DNAJC14: variants seen among roughly 807,000 people sequenced by gnomAD.
DNAJC14 encodes the protein DnaJ heat shock protein family (Hsp40) member C14, also known as dnaJ homolog subfamily C member 14.
In DNAJC14, 12 loss-of-function variants were observed where a neutral mutation model predicts 68.8. That is an observed-to-expected ratio of 0.17 (90% CI 0.11 to 0.28). The LOEUF (loss-of-function observed/expected upper bound fraction) is 0.28. DNAJC14 is among the 10% of genes least tolerant of loss of function. The pLI, the probability that DNAJC14 is intolerant of heterozygous loss-of-function variation, is 1.00. For missense variants in DNAJC14, 764 were observed against 875.6 expected, an observed-to-expected ratio of 0.87 and a Z score of 1.61; for synonymous variants, 350 against 321.5, an observed-to-expected ratio of 1.09 and a Z score of -0.95.
intron 2 of DNAJC14, among the ~76,000 whole-genome samples, chr12:55,824,473 T>G (rs763377792): frequency 6.6e-6 from 1 of 152,174 alleles, no homozygotes; most frequent in Non-Finnish European, 1.5e-5. Context: ...AATGCAGAGA[T>G]AAAGCTAGTC....
intron 2 of DNAJC14, among the ~76,000 whole-genome samples, chr12:55,826,062 TA>T (rs941027169): frequency 7.4e-5 from 11 of 147,980 alleles, no homozygotes; most frequent in East Asian, 2.0e-4. Context: ...ACCCCATGTT[TA>T]AAAAAAAAAG....
In DNAJC14 at chr12:55,828,897, C is replaced by G. The variant is rs372907917; in HGVS notation, c.-56-183G>C. On this transcript the variant is annotated intron_variant, in intron 1 of 6. Transcript: ENST00000678005. ...ACCACAACCCTGCTTGCTCCCTCCC[C>G]TCTCCTCCAAATCACTTAAGTTTTT... Among the ~76,000 whole-genome samples, 35 of 152,348 alleles carry G rather than the reference C, an allele frequency of 2.3e-4. 1 individual carries two copies. The East Asian group carries it at 4.6e-3, about 20-fold the overall frequency.
At chr12:55,827,164 C>T in intron 2 of DNAJC14, 88 bp downstream of exon 2, 1 of 1,313,748 alleles carries the variant, frequency 7.6e-7, no homozygotes, top group Non-Finnish European at 9.8e-7. Context: ...GCACTCCAGC[C>T]TGGGTGACAG....
chr12:55,828,692 G>A lies in DNAJC14; in HGVS notation c.-34C>T. 1 of 1,590,156 alleles carries A rather than the reference G, an allele frequency of 6.3e-7. No individual in the cohort carries two copies. Among genetic ancestry groups the A allele is most frequent in the Non-Finnish European group, 8.6e-7 (1 of 1,167,200 alleles). ...GGCTTCCTGAGGGTCTTAGGTCACA[G>A]CCATCATGGTGTGTTCTGATGCCTG... On this transcript the variant is annotated 5_prime_UTR_variant, in exon 2 of 7. Coordinates refer to ENST00000678005, the MANE Select transcript of DNAJC14 (RefSeq NM_032364.6).
At chr12:55,824,415 T>C (rs925645125) in intron 2 of DNAJC14, among the ~76,000 whole-genome samples, 1 of 152,130 alleles carries the variant, frequency 6.6e-6, no homozygotes, top group Non-Finnish European at 1.5e-5. Flanking sequence ...ACAAGTAATA[T>C]CCTCTCTTCC....
chr12:55,821,895 G>T lies in DNAJC14; in HGVS notation c.*82C>A. On this transcript the variant is annotated 3_prime_UTR_variant, in exon 7 of 7. Transcript: ENST00000678005. ...AAAAGATTCAGTTCCTAGGTGTTGG[G>T]GGAGGAGGGATAAATCAAACTCCAT... 7.2e-7 allele frequency: 1 copy of T among 1,379,558 alleles called. No individual in the cohort carries two copies. The highest frequency in any genetic ancestry group is 9.9e-7 in the Non-Finnish European group (1 of 1,012,924). 85.5% of individuals were successfully genotyped at this position (1,379,558 alleles called of 1,614,324 possible). A position where few individuals can be genotyped will look rare whatever the true frequency, so the allele number is the denominator to read the frequency against.
chr12:55,825,542 C>CTTT lies in DNAJC14; in HGVS notation c.1407+1707_1407+1709dup, dbSNP rs11375162. Among the ~76,000 whole-genome samples, 71 of 122,010 alleles carry CTTT rather than the reference C, an allele frequency of 5.8e-4. 1 individual carries two copies. The highest frequency in any genetic ancestry group is 7.0e-4 in the East Asian group (3 of 4,264). 80.0% of individuals were successfully genotyped at this position (122,010 alleles called of 152,430 possible). A position where few individuals can be genotyped will look rare whatever the true frequency, so the allele number is the denominator to read the frequency against. ...ATGACAACTCCCATCTGCACACCCT[C>CTTT]TTTTTTTTTTTTTTTTTTTGAGACG... is the stretch of plus-strand genomic sequence containing the variant. On this transcript the variant is annotated intron_variant, in intron 2 of 6. Transcript: ENST00000678005.
At chr12:55,829,801 C>G (rs142456069), upstream of DNAJC14, 265 of 172,268 alleles carry the variant, frequency 1.5e-3, 1 homozygote, top group African/African-American at 5.8e-3. Flanking sequence ...ATGGGATTCC[C>G]GCAGGTTGCA....
At chr12:55,829,205 G>C (rs773977613) in intron 1 of DNAJC14, 47 of 975,992 alleles carry the variant, frequency 4.8e-5, no homozygotes, top group Non-Finnish European at 5.4e-5. Context: ...CCAGCACTTT[G>C]GGAGGCCGAG....
rs1565690322 is a variant in DNAJC14 at position 55,827,899 on chromosome 12, A to G, written c.760T>C (p.Trp254Arg). The change falls in exon 2 of 7, where the codon TGG becomes CGG. Residue 254 changes from tryptophan to arginine, a missense_variant. This residue lies in a region of DNAJC14 where 514 missense variants were observed against 521.7 expected (regional missense o/e 0.99). Coordinates refer to ENST00000678005, the MANE Select transcript of DNAJC14 (RefSeq NM_032364.6). ...LCQLGQAGFW[W>R]LIELLVLVGE... ...ACCAATACCAGCAGTTCAATCAGCC[A>G]CCAAAAGCCTGCCTGTCCAAGTTGA... The G allele has an allele frequency of 6.2e-7, 1 of 1,608,428 alleles. No individual in the cohort carries two copies. Among genetic ancestry groups the G allele is most frequent in the Admixed American group, 1.7e-5 (1 of 59,712 alleles).
intron 1 of DNAJC14, 64 bp from the exon 2 acceptor site, chr12:55,828,778 A>C: frequency 3.9e-4 from 544 of 1,396,004 alleles, no homozygotes; most frequent in Non-Finnish European, 4.6e-4. Flanking sequence ...AAACAATCTC[A>C]AATAGTGGAC....
At position 55,828,053 on chromosome 12, in the gene DNAJC14, T is replaced by C. The variant is rs1228022593; in HGVS notation, c.606A>G (p.Pro202=). ...PPSRRQRHRF[P]TKEDTREGGR... Reference sequence around the variant, plus strand: ...CACCCTCCCGAGTATCCTCCTTCGTTGGAAAGCGGTGCCGCTGTCTCCGGG... The same window carrying C: ...CACCCTCCCGAGTATCCTCCTTCGTCGGAAAGCGGTGCCGCTGTCTCCGGG... The change falls in exon 2 of 7, where the codon CCA becomes CCG. Residue 202 remains proline, a synonymous_variant. Transcript: ENST00000678005. The C allele has an allele frequency of 1.9e-6, 3 of 1,611,770 alleles. No individual in the cohort carries two copies. Among genetic ancestry groups the C allele is most frequent in the African/African-American group, 1.3e-5 (1 of 74,808 alleles).
chr12:55,823,534 C>T (rs745715142), intron 2 of DNAJC14, 26 bp from the exon 3 acceptor site: 52 of 1,593,274 alleles, frequency 3.3e-5, no homozygotes, highest in South Asian at 8.8e-5. Flanking sequence ...GATTTCATTA[C>T]AAATCCATTC....
In DNAJC14 at chr12:55,823,324, C is replaced by T. The variant is rs1047576637; in HGVS notation, c.1514+78G>A. ...AGTTCTCTCCATCTCAACAAGCCTC[C>T]ACCCCCAAGTCCAGATGCCTCTGCT... On this transcript the variant is annotated intron_variant, in intron 3 of 6. Coordinates refer to ENST00000678005, the MANE Select transcript of DNAJC14 (RefSeq NM_032364.6). 3 of 1,597,128 alleles carry T rather than the reference C, an allele frequency of 1.9e-6. No individual in the cohort carries two copies. The African/African-American group carries it at 4.0e-5, about 21-fold the overall frequency.
At chr12:55,823,263 T>C (rs1397509455) in intron 3 of DNAJC14, 74 bp from the exon 4 acceptor site, 1 of 1,607,528 alleles carries the variant, frequency 6.2e-7, no homozygotes, top group Non-Finnish European at 8.5e-7. Context: ...GTTGGCCTCT[T>C]GAGGCCCCTG....
chr12:55,824,014 G>T (rs1161633393), intron 2 of DNAJC14, among the ~76,000 whole-genome samples: 3 of 151,676 alleles, frequency 2.0e-5, no homozygotes, highest in Non-Finnish European at 4.4e-5. Context: ...ATCATGGATT[G>T]TTGGGATTAT....
intron 1 of DNAJC14, chr12:55,829,090 C>G (rs943170422): frequency 9.1e-6 from 9 of 991,466 alleles, no homozygotes; most frequent in Admixed American, 1.2e-4. Context: ...GGAGGAAAAT[C>G]TGGGGGCGGA....
Position 55,827,535 on chromosome 12 carries a change from T to C in DNAJC14, c.1124A>G (p.Gln375Arg). The change falls in exon 2 of 7, where the codon CAG (glutamine) becomes CGG (arginine). Residue 375 changes from glutamine to arginine, a missense_variant. By Grantham distance (43) the Gln-to-Arg change is conservative. Transcript: ENST00000678005. ...LFSWLDSPAL[Q>R]RCLTLLRDSR... is the part of the protein sequence containing the mutation. ...ATCTCTCAGCAGAGTCAAGCAACGC[T>C]GCAAGGCTGGAGAATCCAGCCAAGA... The C allele has an allele frequency of 1.2e-6, 2 of 1,606,570 alleles. No individual in the cohort carries two copies. Among genetic ancestry groups the C allele is most frequent in the Non-Finnish European group, 1.7e-6 (2 of 1,173,642 alleles).
chr12:55,826,173 G>C (rs1054651622), intron 2 of DNAJC14, among the ~76,000 whole-genome samples: 5 of 151,134 alleles, frequency 3.3e-5, no homozygotes, highest in African/African-American at 1.2e-4. Context: ...TTCCAGGTGA[G>C]TGAGTTCTAC....
Sources: gnomAD v4.1 joint callset for allele counts (sites outside exome capture counted in the v4.1 genomes callset) on GRCh38, gnomAD v4.1.1 for gene constraint, gnomAD v4.1.1 regional missense constraint, MANE v1.5 for transcripts, NCBI Gene and HGNC (gene_info 2026-07-23, HGNC 2026-07-21) for gene names.